The following ALG10B variants were observed in gnomAD, a reference collection of about 807,000 sequenced individuals.
ALG10B encodes dol-P-Glc:Glc(2)Man(9)GlcNAc(2)-PP-Dol alpha-1,2-glucosyltransferase B.
In ALG10B, 27 loss-of-function variants were observed where a neutral mutation model predicts 38.7. The ratio of observed to expected loss-of-function variants is 0.70; its 90% CI spans 0.51 to 0.96. The LOEUF (loss-of-function observed/expected upper bound fraction) is 0.96. Ranked by LOEUF, ALG10B falls within the 40% of genes least tolerant of loss-of-function variation. The pLI, the probability that ALG10B is intolerant of heterozygous loss-of-function variation, is 0.00. For missense variants in ALG10B, 522 were observed against 542.7 expected (o/e 0.96, Z 0.38); for synonymous variants, 177 against 193.3 (o/e 0.92, Z 0.70).
Position 38,323,710 on chromosome 12 carries a change from A to C in ALG10B, c.*2497A>C, listed in dbSNP as rs1260262311. 3.4e-6 allele frequency: 2 copies of C among 585,732 alleles called. No homozygotes were observed. The highest frequency in any genetic ancestry group is 4.2e-5 in the South Asian group (2 of 47,642). 36.3% of individuals were successfully genotyped at this position (585,732 alleles called of 1,614,324 possible). On this transcript the variant is annotated 3_prime_UTR_variant, in exon 3 of 3. Transcript: ENST00000308742. ...CTCAGAAAATAGATCGGCATTAGTT[A>C]TAACAGTGATTGTAGAAAAACGTGT...
rs1304427468 is a variant in ALG10B at position 38,325,026 on chromosome 12, A to T, written c.*3813A>T. 1 of 152,174 alleles carries T rather than the reference A, an allele frequency of 6.6e-6. No individual in the cohort carries two copies. Among genetic ancestry groups the T allele is most frequent in the Non-Finnish European group, 1.5e-5 (1 of 68,004 alleles). The allele number at this position is 152,174 out of a possible 1,614,324, so 9.4% of individuals were successfully genotyped here. The stretch of plus-strand genomic sequence containing the variant: ...TAATACATCATTTTGAACTGATTCT[A>T]TCTTCTGTGAAATTCTAGAGATATG... On this transcript the variant is annotated 3_prime_UTR_variant, in exon 3 of 3. Transcript: ENST00000308742.
At chr12:38,319,261 G>A (rs1396954680) in intron 2 of ALG10B, among the ~76,000 whole-genome samples, 5 of 152,082 alleles carry the variant, frequency 3.3e-5, no homozygotes, top group South Asian at 4.1e-4. Flanking sequence ...CCTGATGAAC[G>A]GATAGGGCTG....
At chr12:38,320,037 T>A in intron 2 of ALG10B, 124 bp from the exon 3 acceptor site, 4 of 1,210,220 alleles carry the variant, frequency 3.3e-6, no homozygotes, top group Non-Finnish European at 4.7e-6. Context: ...AAGATTAATA[T>A]TGATTAATTT....
intron 1 of ALG10B, 81 bp downstream of exon 1, chr12:38,317,145 T>G: frequency 6.3e-7 from 1 of 1,595,832 alleles, no homozygotes; most frequent in South Asian, 1.1e-5. Context: ...ATCTTTAGAC[T>G]TAACTCGTCC....
Position 38,328,094 on chromosome 12 carries a change from TACAC to T in ALG10B, c.*6883_*6886del, listed in dbSNP as rs1401517656. The T allele has an allele frequency of 7.9e-5, 12 of 152,192 alleles. No individual in the cohort carries two copies. The highest frequency in any genetic ancestry group is 2.9e-4 in the African/African-American group (12 of 41,466). The allele number at this position is 152,192 out of a possible 1,614,324, so 9.4% of individuals were successfully genotyped here. On this transcript the variant is annotated 3_prime_UTR_variant, in exon 3 of 3. Transcript: ENST00000308742. ...TAAGATTTCTATTTATCAAAGATAC[TACAC>T]AAGAGTTAGATAGCAAGTAGTTCAA...
rs1945769609 is a variant in ALG10B, at chr12:38,328,917, T to C, written c.*7704T>C. 6.6e-6 allele frequency: 2 copies of C among 304,534 alleles called. No homozygotes were observed. Among genetic ancestry groups the C allele is most frequent in the Non-Finnish European group, 1.2e-5 (2 of 167,534 alleles). 18.9% of individuals were successfully genotyped at this position (304,534 alleles called of 1,614,324 possible). ...CCATGTTAGTCTCATAACAACTCTA[T>C]GAGATCAGTACCGTACACATGGGGA... On this transcript the variant is annotated 3_prime_UTR_variant, in exon 3 of 3. Transcript: ENST00000308742.
In ALG10B at chr12:38,326,614, T is replaced by G. The variant is rs548965179; in HGVS notation, c.*5401T>G. On this transcript the variant is annotated 3_prime_UTR_variant, in exon 3 of 3. Coordinates refer to ENST00000308742, the MANE Select transcript of ALG10B (RefSeq NM_001013620.4). Reference sequence around the variant, plus strand: ...AATAACAGGTTAAAGAATTTAAAGGTAAAAGACATTTCAACTAATTACAAA... The same window carrying G: ...AATAACAGGTTAAAGAATTTAAAGGGAAAAGACATTTCAACTAATTACAAA... 9.3e-5 allele frequency: 14 copies of G among 150,614 alleles called. No individual in the cohort carries two copies. The East Asian group carries it at 2.6e-3, about 28-fold the overall frequency. The allele number at this position is 150,614 out of a possible 1,614,324, so 9.3% of individuals were successfully genotyped here.
rs201935845 is a variant in ALG10B, at chr12:38,324,933, G to C, written c.*3720G>C. On this transcript the variant is annotated 3_prime_UTR_variant, in exon 3 of 3. Transcript: ENST00000308742. ...GAGCCCTACAGTTACCATTACTAAA[G>C]TCTGTGAGTATGTCTATTTTGAAAA... The C allele has an allele frequency of 6.6e-6, 1 of 152,162 alleles. No individual in the cohort carries two copies. The highest frequency in any genetic ancestry group is 1.9e-4 in the East Asian group (1 of 5,202). 9.4% of individuals were successfully genotyped at this position (152,162 alleles called of 1,614,324 possible).
At position 38,324,167 on chromosome 12, in the gene ALG10B, A is replaced by G. The variant is rs887394056; in HGVS notation, c.*2954A>G. The G allele has an allele frequency of 6.6e-6, 3 of 451,944 alleles. No individual in the cohort carries two copies. Among genetic ancestry groups the G allele is most frequent in the African/African-American group, 4.0e-5 (2 of 49,888 alleles). The allele number at this position is 451,944 out of a possible 1,614,324, so 28.0% of individuals were successfully genotyped here. On this transcript the variant is annotated 3_prime_UTR_variant, in exon 3 of 3. Transcript: ENST00000308742. Reference sequence around the variant, plus strand: ...CCTGCCTCAGCCTCCCGAGTAGCTGAGATTATAGGCGCCCACCACCAAGCC... The same window carrying G: ...CCTGCCTCAGCCTCCCGAGTAGCTGGGATTATAGGCGCCCACCACCAAGCC...
Position 38,329,658 on chromosome 12 carries a change from TAA to T in ALG10B, c.*8450_*8451del, listed in dbSNP as rs1269691376. 2 of 154,834 alleles carry T rather than the reference TAA, an allele frequency of 1.3e-5. No individual in the cohort carries two copies. The highest frequency in any genetic ancestry group is 4.8e-5 in the African/African-American group (2 of 41,556). 9.6% of individuals were successfully genotyped at this position (154,834 alleles called of 1,614,324 possible). ...TGCTTTTCAGTCAACTTATTCTTTATAAAAAAGTTTGTTCAAATAGCATGTTT... is the reference window on the plus strand; with the variant it reads ...TGCTTTTCAGTCAACTTATTCTTTATAAAAGTTTGTTCAAATAGCATGTTT... On this transcript the variant is annotated 3_prime_UTR_variant, in exon 3 of 3. Transcript: ENST00000308742.
chr12:38,320,839 G>C lies in ALG10B; in HGVS notation c.1048G>C (p.Asp350His). Residue 350 changes from aspartate (D) to histidine (H), a missense_variant, in exon 3 of 3, where the codon GAC (aspartate) becomes CAC (histidine). Asp to His is a moderately conservative substitution (Grantham distance 81, BLOSUM62 -1). Transcript: ENST00000308742. ...TTATGCTCATAAATACTTGCTAGCA[G>C]ACAATAGACATTATACTTTCTATGT... is the stretch of plus-strand genomic sequence containing the variant. ...FTYAHKYLLA[D>H]NRHYTFYVWK... 1 of 1,613,582 alleles carries C rather than the reference G, an allele frequency of 6.2e-7. No individual in the cohort carries two copies.
At chr12:38,317,294 A>C in intron 1 of ALG10B, 4 of 679,086 alleles carry the variant, frequency 5.9e-6, no homozygotes, top group Non-Finnish European at 9.6e-6. Flanking sequence ...GATCTGGGAG[A>C]ATACTTAGTG....
Position 38,325,977 on chromosome 12 carries a change from G to A in ALG10B, c.*4764G>A, listed in dbSNP as rs989630814. On this transcript the variant is annotated 3_prime_UTR_variant, in exon 3 of 3. Coordinates refer to ENST00000308742, the MANE Select transcript of ALG10B (RefSeq NM_001013620.4). ...ACATAACCGTGGCTAATTTTAGGAAGTAAATCATGTTTCATAATAAGAGTC... is the reference window on the plus strand; with the variant it reads ...ACATAACCGTGGCTAATTTTAGGAAATAAATCATGTTTCATAATAAGAGTC... The A allele has an allele frequency of 2.6e-5, 4 of 152,058 alleles. No homozygotes were observed. Among genetic ancestry groups the A allele is most frequent in the African/African-American group, 9.7e-5 (4 of 41,434 alleles). 9.4% of individuals were successfully genotyped at this position (152,058 alleles called of 1,614,324 possible). A position where few individuals can be genotyped will look rare whatever the true frequency, so the allele number is the denominator to read the frequency against.
rs1365450006 is a variant in ALG10B, at chr12:38,325,856, C to T, written c.*4643C>T. ...AAAGGATTCATTCCTGCCATATACT[C>T]ATAATATTTATAAGTATGTCATATG... On this transcript the variant is annotated 3_prime_UTR_variant, in exon 3 of 3. Transcript: ENST00000308742. 5.3e-5 allele frequency: 8 copies of T among 152,018 alleles called. No homozygotes were observed. Among genetic ancestry groups the T allele is most frequent in the Admixed American group, 4.6e-4 (7 of 15,264 alleles). 9.4% of individuals were successfully genotyped at this position (152,018 alleles called of 1,614,324 possible). A position where few individuals can be genotyped will look rare whatever the true frequency, so the allele number is the denominator to read the frequency against.
At chr12:38,319,529 C>T (rs1370243799) in intron 2 of ALG10B, among the ~76,000 whole-genome samples, 3 of 152,008 alleles carry the variant, frequency 2.0e-5, no homozygotes, top group Non-Finnish European at 4.4e-5. Context: ...GTGGAGTATA[C>T]AATTCAAGAA....
At position 38,318,537 on chromosome 12, in the gene ALG10B, G is replaced by A. The variant is rs140458886; in HGVS notation, c.369+79G>A. ...CAATGAATTAGTTTTATGAGATTTG[G>A]TGAAAAATGTCTTTAACACTTTGTA... On this transcript the variant is annotated intron_variant, in intron 2 of 2. Coordinates refer to ENST00000308742, the MANE Select transcript of ALG10B (RefSeq NM_001013620.4). The A allele has an allele frequency of 4.1e-4, 594 of 1,435,448 alleles. 3 individuals carry two copies. The African/African-American group carries it at 7.0e-3, about 17-fold the overall frequency. The allele number at this position is 1,435,448 out of a possible 1,614,324, so 88.9% of individuals were successfully genotyped here. A position where few individuals can be genotyped will look rare whatever the true frequency, so the allele number is the denominator to read the frequency against.
chr12:38,317,169 C>G, intron 1 of ALG10B, 105 bp downstream of exon 1: 3 of 1,522,090 alleles, frequency 2.0e-6, no homozygotes, highest in Non-Finnish European at 2.7e-6. Flanking sequence ...TCCACCCCAC[C>G]CCAGCCTCAG....
chr12:38,328,188 A>G lies in ALG10B; in HGVS notation c.*6975A>G, dbSNP rs538493221. 1 of 152,312 alleles carries G rather than the reference A, an allele frequency of 6.6e-6. No individual in the cohort carries two copies. Among genetic ancestry groups the G allele is most frequent in the African/African-American group, 2.4e-5 (1 of 41,584 alleles). 9.4% of individuals were successfully genotyped at this position (152,312 alleles called of 1,614,324 possible). ...ATTTTTAAATTCTAAATTTTGTTAC[A>G]GCTAATTTTTAAAAATTAATTGCTA... On this transcript the variant is annotated 3_prime_UTR_variant, in exon 3 of 3. Coordinates refer to ENST00000308742, the MANE Select transcript of ALG10B (RefSeq NM_001013620.4).
At position 38,321,128 on chromosome 12, in the gene ALG10B, T is replaced by C. The variant is rs1167154095; in HGVS notation, c.1337T>C (p.Ile446Thr). ...GTTTGTGAACTGAGTTGCTATGCAA[T>C]TGTTAATTTCATAACTTTTTACATC... ...RLVCELSCYA[I>T]VNFITFYIFL... Residue 446 changes from isoleucine (I) to threonine (T), a missense_variant, in exon 3 of 3, where the codon ATT becomes ACT. Physicochemically the swap from Ile to Thr is moderately conservative, Grantham distance 89 (BLOSUM62 -1). Coordinates refer to ENST00000308742, the MANE Select transcript of ALG10B (RefSeq NM_001013620.4). 2 of 1,613,600 alleles carry C rather than the reference T, an allele frequency of 1.2e-6. No homozygotes were observed. Among genetic ancestry groups the C allele is most frequent in the East Asian group, 2.2e-5 (1 of 44,844 alleles).
Sources: allele counts gnomAD v4.1 joint callset (sites outside exome capture counted in the v4.1 genomes callset), GRCh38; gene constraint gnomAD v4.1.1; transcripts MANE v1.5; gene names NCBI Gene and HGNC (gene_info 2026-07-23, HGNC 2026-07-21).